UBTD1: variants seen among roughly 807,000 people sequenced by gnomAD.
UBTD1 encodes the protein ubiquitin domain containing 1.
Under a neutral mutation model 21.7 loss-of-function variants are expected in UBTD1, and 19 were observed. The ratio of observed to expected loss-of-function variants is 0.87; its 90% CI spans 0.61 to 1.28. The LOEUF (loss-of-function observed/expected upper bound fraction) is 1.28. Among genes scored for constraint, UBTD1 ranks in the 50% most tolerant of loss-of-function variants. The pLI, the probability that UBTD1 is intolerant of heterozygous loss-of-function variation, is 0.00. For missense variants in UBTD1, 282 were observed against 315.1 expected (o/e 0.89, Z 0.80); for synonymous variants, 116 against 135.1 (o/e 0.86, Z 0.98).
chr10:97,538,140 A>T (rs1187566351), intron 1 of UBTD1, among the ~76,000 whole-genome samples: 2 of 151,822 alleles, frequency 1.3e-5, no homozygotes, highest in African/African-American at 4.8e-5. Flanking sequence ...CAGACTTTCC[A>T]CATACCTCTA....
intron 1 of UBTD1, among the ~76,000 whole-genome samples, chr10:97,561,143 C>T (rs117199892): frequency 0.01 from 1,526 of 152,222 alleles, 13 homozygotes; most frequent in Non-Finnish European, 0.016. Context: ...GGGCCTGCTA[C>T]GTGCTGCTCT....
At chr10:97,533,580 C>T (rs2040543635) in intron 1 of UBTD1, among the ~76,000 whole-genome samples, 1 of 152,148 alleles carries the variant, frequency 6.6e-6, no homozygotes, top group East Asian at 1.9e-4. Context: ...GCAGCATCCC[C>T]CTTTGCCCCC....
intron 1 of UBTD1, among the ~76,000 whole-genome samples, chr10:97,528,242 G>A (rs1388333798): frequency 1.6e-5 from 2 of 122,556 alleles, no homozygotes; most frequent in Non-Finnish European, 1.8e-5. Context: ...CTTCCCAGTA[G>A]GGGCGGCCGG....
At position 97,568,038 on chromosome 10, in the gene UBTD1, G is replaced by A; in HGVS notation, c.195G>A (p.Lys65=). The change falls in exon 2 of 3, where the codon AAG becomes AAA. Residue 65 remains lysine, a synonymous_variant. Transcript: ENST00000370664. ...WDTAPAFEGR[K]EIWDALKAAA... ...CAGCGCCTGCCTTCGAGGGCCGCAA[G>A]GAGATCTGGGATGCCCTCAAGGCTG... is the stretch of plus-strand genomic sequence containing the variant. 6.2e-7 allele frequency: 1 copy of A among 1,614,024 alleles called. No homozygotes were observed. Among genetic ancestry groups the A allele is most frequent in the Middle Eastern group, 1.6e-4 (1 of 6,062 alleles).
chr10:97,549,918 C>T (rs1357251687), intron 1 of UBTD1, among the ~76,000 whole-genome samples: 1 of 152,238 alleles, frequency 6.6e-6, no homozygotes, highest in Non-Finnish European at 1.5e-5. Context: ...CACCCCCTGG[C>T]TCCCCCCTCC....
chr10:97,509,815 T>A (rs921018915), intron 1 of UBTD1, among the ~76,000 whole-genome samples: 4 of 151,922 alleles, frequency 2.6e-5, no homozygotes, highest in Admixed American at 2.0e-4. Context: ...CACACTCAGC[T>A]AATTTTTTTG....
In UBTD1 at chr10:97,514,015, C is replaced by CTT. The variant is rs57603791; in HGVS notation, c.70+14754_70+14755dup. On this transcript the variant is annotated intron_variant, in intron 1 of 2. Transcript: ENST00000370664. Reference sequence around the variant, plus strand: ...GTGCCTCTTTTTCTTTTCTTTCTTTCTTTTTTTTTTTTTAAAGGCATTGAG... The same window carrying CTT: ...GTGCCTCTTTTTCTTTTCTTTCTTTCTTTTTTTTTTTTTTTAAAGGCATTGAG... Among the ~76,000 whole-genome samples the CTT allele has an allele frequency of 2.7e-3, 387 of 144,240 alleles. 1 individual carries two copies. Among genetic ancestry groups the CTT allele is most frequent in the African/African-American group, 8.5e-3 (334 of 39,512 alleles). The allele number at this position is 144,240 out of a possible 152,430, so 94.6% of individuals were successfully genotyped here.
At chr10:97,527,877 C>T (rs2040497027) in intron 1 of UBTD1, among the ~76,000 whole-genome samples, 1 of 152,228 alleles carries the variant, frequency 6.6e-6, no homozygotes, top group African/African-American at 2.4e-5. Context: ...AGCAACCATC[C>T]GATTTCTCAA....
chr10:97,536,185 T>C (rs1420644306), intron 1 of UBTD1, among the ~76,000 whole-genome samples: 1 of 151,930 alleles, frequency 6.6e-6, no homozygotes, highest in Non-Finnish European at 1.5e-5. Context: ...AGAGATGGGG[T>C]TTCACCATGT....
chr10:97,534,887 C>A (rs2040552686), intron 1 of UBTD1, among the ~76,000 whole-genome samples: 1 of 152,178 alleles, frequency 6.6e-6, no homozygotes, highest in Admixed American at 6.5e-5. Flanking sequence ...GCTCTCAGTC[C>A]TCCTTGCCCG....
At chr10:97,548,772 G>A (rs1480001181) in intron 1 of UBTD1, among the ~76,000 whole-genome samples, 1 of 152,124 alleles carries the variant, frequency 6.6e-6, no homozygotes, top group Non-Finnish European at 1.5e-5. Context: ...GCAAGACTCC[G>A]TCTCAAAAAA....
intron 1 of UBTD1, among the ~76,000 whole-genome samples, chr10:97,561,061 C>G (rs1306414360): frequency 1.3e-5 from 2 of 152,114 alleles, no homozygotes; most frequent in African/African-American, 2.4e-5. Flanking sequence ...CTAGTCTTAC[C>G]AAGTTTCAGA....
At chr10:97,503,142 C>A (rs1264317053) in intron 1 of UBTD1, among the ~76,000 whole-genome samples, 3 of 152,106 alleles carry the variant, frequency 2.0e-5, no homozygotes. Flanking sequence ...TCTGAAACTC[C>A]TGGCCTCAAG....
chr10:97,558,444 C>T (rs895941734), intron 1 of UBTD1, among the ~76,000 whole-genome samples: 3 of 152,128 alleles, frequency 2.0e-5, no homozygotes, highest in African/African-American at 7.2e-5. Context: ...CTAACAGGGC[C>T]GTTGCTACCA....
chr10:97,564,282 A>G (rs1188943463), intron 1 of UBTD1, among the ~76,000 whole-genome samples: 4 of 152,318 alleles, frequency 2.6e-5, no homozygotes, highest in Non-Finnish European at 2.9e-5. Flanking sequence ...GCCGAGCAAG[A>G]AAGTGCGTCC....
chr10:97,556,177 T>C (rs1197257339), intron 1 of UBTD1, among the ~76,000 whole-genome samples: 1 of 152,186 alleles, frequency 6.6e-6, no homozygotes, highest in Non-Finnish European at 1.5e-5. Flanking sequence ...TATAAGAGTT[T>C]TAAATTCTTC....
intron 1 of UBTD1, among the ~76,000 whole-genome samples, chr10:97,523,356 GCA>G (rs1407454601): frequency 6.6e-6 from 1 of 152,194 alleles, no homozygotes; most frequent in Admixed American, 6.5e-5. Context: ...CATGCTCCAG[GCA>G]CAGACTATTG....
At chr10:97,521,911 G>A (rs766764872) in intron 1 of UBTD1, among the ~76,000 whole-genome samples, 1 of 152,238 alleles carries the variant, frequency 6.6e-6, no homozygotes, top group Non-Finnish European at 1.5e-5. Context: ...AGATGTTTGC[G>A]TCATTGGACT....
At chr10:97,564,535 A>G (rs958484880) in intron 1 of UBTD1, among the ~76,000 whole-genome samples, 1 of 152,146 alleles carries the variant, frequency 6.6e-6, no homozygotes, top group Non-Finnish European at 1.5e-5. Flanking sequence ...CATCTACATA[A>G]TAAGAACCTT....
Sources: gnomAD v4.1 joint callset for allele counts (sites outside exome capture counted in the v4.1 genomes callset) on GRCh38, gnomAD v4.1.1 for gene constraint, MANE v1.5 for transcripts, NCBI Gene and HGNC (gene_info 2026-07-23, HGNC 2026-07-21) for gene names.